The following CNTN1 variants were observed in gnomAD, a reference collection of about 807,000 sequenced individuals.
The protein encoded by CNTN1 is contactin-1.
CNTN1 carries 38 observed loss-of-function variants against 126.4 expected under a neutral mutation model. The ratio of observed to expected loss-of-function variants is 0.30; its 90% confidence interval spans 0.23 to 0.39. The LOEUF (loss-of-function observed/expected upper bound fraction) is 0.39, where lower values mean the gene tolerates loss of function less well. Among genes scored for constraint, CNTN1 ranks in the 10% least tolerant of loss-of-function variants. The pLI, the probability that CNTN1 is intolerant of heterozygous loss-of-function variation, is 1.00. For missense variants in CNTN1, 1,009 were observed against 1,248.4 expected, an observed-to-expected ratio of 0.81 and a Z score of 2.89; for synonymous variants, 413 against 422.6, an observed-to-expected ratio of 0.98 and a Z score of 0.28.
At chr12:41,003,086 C>G (rs1480846866) in intron 17 of CNTN1, among the ~76,000 whole-genome samples, 1 of 152,092 alleles carries the variant, frequency 6.6e-6, no homozygotes, top group African/African-American at 2.4e-5. Context: ...GGGTTTGTCA[C>G]AGATAGCTGC....
At chr12:40,959,340 C>A in intron 15 of CNTN1, 106 bp downstream of exon 15, 1 of 1,198,660 alleles carries the variant, frequency 8.3e-7, no homozygotes, top group Non-Finnish European at 1.2e-6. Flanking sequence ...TATTTAGAGT[C>A]TCAATCCCAT....
chr12:40,720,302 G>A (rs545813267), intron 1 of CNTN1, among the ~76,000 whole-genome samples: 7 of 151,884 alleles, frequency 4.6e-5, no homozygotes, highest in East Asian at 1.9e-4. Context: ...TGGTCTCTTC[G>A]GTTCTAGTTT....
chr12:40,756,985 ATATT>A (rs773162807), intron 1 of CNTN1, among the ~76,000 whole-genome samples: 1 of 152,160 alleles, frequency 6.6e-6, no homozygotes, highest in Non-Finnish European at 1.5e-5. Context: ...GAATGAATGA[ATATT>A]TATAGGATAT....
At chr12:40,836,592 A>G (rs528716201) in intron 1 of CNTN1, among the ~76,000 whole-genome samples, 1 of 152,320 alleles carries the variant, frequency 6.6e-6, no homozygotes, top group South Asian at 2.1e-4. Flanking sequence ...GTGCATATAA[A>G]TTGGGCTCTA....
At chr12:40,882,168 G>A (rs1275181842) in intron 1 of CNTN1, among the ~76,000 whole-genome samples, 2 of 151,642 alleles carry the variant, frequency 1.3e-5, no homozygotes, top group Non-Finnish European at 3.0e-5. Flanking sequence ...CATTAATCTT[G>A]ATTATGATTG....
chr12:41,007,991 T>C (rs987722280), intron 17 of CNTN1, among the ~76,000 whole-genome samples: 31 of 152,234 alleles, frequency 2.0e-4, no homozygotes, highest in African/African-American at 7.5e-4. Flanking sequence ...ACTTTCTGCC[T>C]AAGTGATTTC....
intron 1 of CNTN1, among the ~76,000 whole-genome samples, chr12:40,728,510 G>T (rs1345100224): frequency 2.6e-5 from 4 of 152,090 alleles, no homozygotes; most frequent in Non-Finnish European, 5.9e-5. Context: ...ATCTCACTGG[G>T]TAGAACTAGA....
At chr12:41,055,469 T>C (rs1432279306) in intron 23 of CNTN1, among the ~76,000 whole-genome samples, 1 of 152,204 alleles carries the variant, frequency 6.6e-6, no homozygotes, top group South Asian at 2.1e-4. Context: ...TACCCTCCTT[T>C]TTGCTCCCCT....
At chr12:40,835,048 CA>C (rs1161397945) in intron 1 of CNTN1, among the ~76,000 whole-genome samples, 2 of 151,854 alleles carry the variant, frequency 1.3e-5, no homozygotes, top group Non-Finnish European at 1.5e-5. Context: ...TAATTCCTTT[CA>C]AAAAAGAGAA....
intron 1 of CNTN1, among the ~76,000 whole-genome samples, chr12:40,693,389 A>C (rs1324348655): frequency 1.3e-5 from 2 of 152,112 alleles, no homozygotes; most frequent in African/African-American, 4.8e-5. Context: ...ATGGGCTCCG[A>C]GCGGCTGCGA....
chr12:40,824,253 T>C (rs1941539036), intron 1 of CNTN1, among the ~76,000 whole-genome samples: 1 of 152,078 alleles, frequency 6.6e-6, no homozygotes, highest in Non-Finnish European at 1.5e-5. Flanking sequence ...GCATCCAAAG[T>C]TCTCATCATA....
chr12:41,037,339 G>T (rs1264783519), intron 23 of CNTN1, among the ~76,000 whole-genome samples: 2 of 152,048 alleles, frequency 1.3e-5, no homozygotes, highest in Admixed American at 6.6e-5. Context: ...GGTCCCATAA[G>T]ATTATAATTC....
chr12:40,919,283 T>C (rs989075702), intron 4 of CNTN1, among the ~76,000 whole-genome samples: 14 of 152,178 alleles, frequency 9.2e-5, no homozygotes, highest in Non-Finnish European at 1.9e-4. Flanking sequence ...TCTCTACCTA[T>C]AGGAAAATCT....
intron 23 of CNTN1, among the ~76,000 whole-genome samples, chr12:41,053,582 A>T (rs776132333): frequency 1.9e-4 from 28 of 150,076 alleles, no homozygotes; most frequent in Non-Finnish European, 3.3e-4. Flanking sequence ...AGATGTTTGA[A>T]CATATCTTTT....
At chr12:40,922,911 C>A (rs573582128) in intron 5 of CNTN1, among the ~76,000 whole-genome samples, 1 of 143,736 alleles carries the variant, frequency 7.0e-6, no homozygotes, top group Non-Finnish European at 1.5e-5. Flanking sequence ...GCGGAGGTTG[C>A]AGTAAGCCGA....
chr12:41,015,758 A>G (rs1444057742), intron 18 of CNTN1, among the ~76,000 whole-genome samples: 1 of 151,902 alleles, frequency 6.6e-6, no homozygotes, highest in Non-Finnish European at 1.5e-5. Flanking sequence ...GTGCACATTT[A>G]CCTAAATTGC....
chr12:41,015,955 T>A (rs979971518), intron 18 of CNTN1, among the ~76,000 whole-genome samples: 1 of 152,178 alleles, frequency 6.6e-6, no homozygotes, highest in Admixed American at 6.5e-5. Flanking sequence ...AAAGCCATCC[T>A]CCTACAAATG....
chr12:40,731,103 TA>T (rs1942488839), intron 1 of CNTN1, among the ~76,000 whole-genome samples: 1 of 152,064 alleles, frequency 6.6e-6, no homozygotes, highest in Non-Finnish European at 1.5e-5. Flanking sequence ...AGTTTAAATT[TA>T]AAAATTGGGA....
At chr12:40,981,585 T>C (rs892729389) in intron 16 of CNTN1, among the ~76,000 whole-genome samples, 6 of 152,128 alleles carry the variant, frequency 3.9e-5, no homozygotes, top group African/African-American at 7.2e-5. Flanking sequence ...ACATTTTGGA[T>C]CTTTCAACCT....
Sources: gnomAD v4.1 joint callset for allele counts (sites outside exome capture counted in the v4.1 genomes callset) on GRCh38, gnomAD v4.1.1 for gene constraint, MANE v1.5 for transcripts, NCBI Gene and HGNC (gene_info 2026-07-23, HGNC 2026-07-21) for gene names.